Variants in MFHAS1 observed in about 807,000 individuals in gnomAD.
The protein encoded by MFHAS1 is multifunctional ROCO family signaling regulator 1.
A neutral mutation model predicts 70.4 loss-of-function variants in MFHAS1; 50 were observed. The ratio of observed to expected loss-of-function variants is 0.71; its 90% CI spans 0.57 to 0.90. The LOEUF is 0.90. Among genes scored for constraint, MFHAS1 ranks in the 40% least tolerant of loss-of-function variants. The pLI, the probability that MFHAS1 is intolerant of heterozygous loss-of-function variation, is 0.00. For missense variants in MFHAS1, 1,795 were observed against 1,347.6 expected (o/e 1.33, Z -5.20); for synonymous variants, 952 against 620.0 (o/e 1.54, Z -7.96).
At chr8:8,807,972 C>A (rs1429430518) in intron 1 of MFHAS1, among the ~76,000 whole-genome samples, 5 of 152,194 alleles carry the variant, frequency 3.3e-5, no homozygotes, top group Non-Finnish European at 4.4e-5. Flanking sequence ...CAATCTGGGT[C>A]TGAAAATATT....
rs755208667 is a variant in MFHAS1 at position 8,786,020 on chromosome 8, C to T, written c.*2G>A. ...TCCATGGAAATTCCACAGCCACAAA[C>T]GTCACTGGTTTCTGTGCTTTTCACC... is the stretch of plus-strand genomic sequence containing the variant. On this transcript the variant is annotated 3_prime_UTR_variant, in exon 3 of 3. Transcript: ENST00000276282. 48 of 1,613,946 alleles carry T rather than the reference C, an allele frequency of 3.0e-5. No individual in the cohort carries two copies. In the East Asian group the frequency reaches 3.3e-4, roughly 11 times the overall value.
chr8:8,839,183 T>C (rs1039481074), intron 1 of MFHAS1, among the ~76,000 whole-genome samples: 2 of 151,066 alleles, frequency 1.3e-5, no homozygotes, highest in African/African-American at 4.9e-5. Context: ...GAAGAGAGAA[T>C]TAAAAAAAAA....
At position 8,784,064 on chromosome 8, in the gene MFHAS1, C is replaced by CTT. The variant is rs1308067719; in HGVS notation, c.*1956_*1957dup. 8 of 152,254 alleles carry CTT rather than the reference C, an allele frequency of 5.3e-5. No individual in the cohort carries two copies. Among genetic ancestry groups the CTT allele is most frequent in the South Asian group, 2.1e-4 (1 of 4,826 alleles). The allele number at this position is 152,254 out of a possible 1,614,324, so 9.4% of individuals were successfully genotyped here. A position where few individuals can be genotyped will look rare whatever the true frequency, so the allele number is the denominator to read the frequency against. ...GCGTTTATGTTCGTAACAGCAAATA[C>CTT]TTTGTAGGGTGTGTCACCCAAAGGA... On this transcript the variant is annotated 3_prime_UTR_variant, in exon 3 of 3. Transcript: ENST00000276282.
At chr8:8,838,690 G>C (rs1374092751) in intron 1 of MFHAS1, among the ~76,000 whole-genome samples, 1 of 152,012 alleles carries the variant, frequency 6.6e-6, no homozygotes, top group Admixed American at 6.6e-5. Context: ...GCGGGTGCCT[G>C]TAATTCCAGC....
intron 1 of MFHAS1, among the ~76,000 whole-genome samples, chr8:8,827,236 C>T (rs1288692865): frequency 1.3e-5 from 2 of 152,134 alleles, no homozygotes; most frequent in South Asian, 2.1e-4. Flanking sequence ...AGTATAAATG[C>T]TATTATTACA....
At chr8:8,854,875 T>G (rs1006373134) in intron 1 of MFHAS1, among the ~76,000 whole-genome samples, 1 of 152,280 alleles carries the variant, frequency 6.6e-6, no homozygotes, top group Admixed American at 6.5e-5. Context: ...CTGGCTATCC[T>G]GTTTTTTTGG....
chr8:8,800,185 T>C (rs1806037123), intron 1 of MFHAS1, among the ~76,000 whole-genome samples: 1 of 152,228 alleles, frequency 6.6e-6, no homozygotes, highest in Non-Finnish European at 1.5e-5. Flanking sequence ...TACATTTTTA[T>C]ATAGTGTCGC....
rs753754133 is a variant in MFHAS1, at chr8:8,891,522, G to T, written c.1537C>A (p.Pro513Thr). The change falls in exon 1 of 3, where the codon CCT becomes ACT. Residue 513 changes from proline (P) to threonine (T), a missense_variant. Coordinates refer to ENST00000276282, the MANE Select transcript of MFHAS1 (RefSeq NM_004225.3). The surrounding 1 kb of genome is among the most constrained non-coding windows in gnomAD (Gnocchi z 5.4). ...TGCAAGAAGGAGCCCACGGTGGTAG[G>T]AAAGTGGCGAGGCTCATAGGTGGCC... ...NLATYEPRHF[P>T]TTVGSFLHRV... 1 of 1,613,078 alleles carries T rather than the reference G, an allele frequency of 6.2e-7. No individual in the cohort carries two copies. The highest frequency in any genetic ancestry group is 8.5e-7 in the Non-Finnish European group (1 of 1,180,036).
chr8:8,875,825 G>GATCCGCCCGCCT (rs1375665725), intron 1 of MFHAS1, among the ~76,000 whole-genome samples: 6 of 152,110 alleles, frequency 3.9e-5, no homozygotes, highest in Non-Finnish European at 7.4e-5. Flanking sequence ...GTGACCTCGT[G>GATCCGCCCGCCT]ATCCGCCCGC....
chr8:8,818,866 T>C (rs967322323), intron 1 of MFHAS1, among the ~76,000 whole-genome samples: 25 of 152,260 alleles, frequency 1.6e-4, no homozygotes, highest in African/African-American at 5.8e-4. Context: ...CCTTGTTCTA[T>C]AAAGAATATC....
chr8:8,828,661 G>A (rs150234088), intron 1 of MFHAS1, among the ~76,000 whole-genome samples: 1 of 152,208 alleles, frequency 6.6e-6, no homozygotes, highest in Admixed American at 6.5e-5. Context: ...ACATGAAGAA[G>A]GAATAACTGG....
At chr8:8,846,267 G>A (rs1182920320) in intron 1 of MFHAS1, among the ~76,000 whole-genome samples, 2 of 99,532 alleles carry the variant, frequency 2.0e-5, no homozygotes, top group East Asian at 1.0e-3. Context: ...AAAAAGGGGG[G>A]GGGGGAAGGA....
chr8:8,857,189 A>C (rs1808476533), intron 1 of MFHAS1, among the ~76,000 whole-genome samples: 1 of 152,140 alleles, frequency 6.6e-6, no homozygotes, highest in South Asian at 2.1e-4. Context: ...AGCAATAAAG[A>C]TTTAAACAGA....
chr8:8,811,560 G>A (rs569372301), intron 1 of MFHAS1, among the ~76,000 whole-genome samples: 1 of 152,188 alleles, frequency 6.6e-6, no homozygotes, highest in African/African-American at 2.4e-5. Flanking sequence ...TTACCGGCGT[G>A]AGCCGCCATG....
At chr8:8,850,696 T>C (rs566220687) in intron 1 of MFHAS1, among the ~76,000 whole-genome samples, 220 of 151,830 alleles carry the variant, frequency 1.4e-3, no homozygotes, top group African/African-American at 5.1e-3. Flanking sequence ...TTAGCCTCGC[T>C]TGGTGGCGCA....
intron 1 of MFHAS1, among the ~76,000 whole-genome samples, chr8:8,860,194 C>A (rs1294099155): frequency 1.3e-5 from 2 of 152,170 alleles, no homozygotes; most frequent in Non-Finnish European, 2.9e-5. Flanking sequence ...AGAAAGAGCA[C>A]AGAACAAAAG....
At chr8:8,810,267 G>C (rs1258112278) in intron 1 of MFHAS1, among the ~76,000 whole-genome samples, 1 of 152,226 alleles carries the variant, frequency 6.6e-6, no homozygotes, top group Non-Finnish European at 1.5e-5. Context: ...TCAGGAGGCT[G>C]AGGCAGGAGA....
intron 1 of MFHAS1, among the ~76,000 whole-genome samples, chr8:8,871,505 A>C (rs146599896): frequency 0.012 from 1,772 of 152,192 alleles, 43 homozygotes; most frequent in South Asian, 0.054. Context: ...AGCCAAGATC[A>C]CTCCACTGCA....
Position 8,858,353 on chromosome 8 carries a change from A to C in MFHAS1, c.2998+31708T>G, listed in dbSNP as rs190662436. Among the ~76,000 whole-genome samples the C allele has an allele frequency of 1.2e-3, 187 of 152,310 alleles. 1 individual carries two copies. The highest frequency in any genetic ancestry group is 4.3e-3 in the African/African-American group (179 of 41,562). ...GTCTCCATGTCATCAAAATCTAAAT[A>C]TATAACATTATTACCCTTTGAAAAT... On this transcript the variant is annotated intron_variant, in intron 1 of 2. Transcript: ENST00000276282.
Sources: allele counts gnomAD v4.1 joint callset (sites outside exome capture counted in the v4.1 genomes callset), GRCh38; gene constraint gnomAD v4.1.1; non-coding constraint Gnocchi (gnomAD v3.1); transcripts MANE v1.5; gene names NCBI Gene and HGNC (gene_info 2026-07-23, HGNC 2026-07-21).